OVOL2: variants seen among roughly 807,000 people sequenced by gnomAD.
OVOL2 encodes the protein transcription factor Ovo-like 2.
In OVOL2, 13 loss-of-function variants were observed where a neutral mutation model predicts 18.1. That is an observed-to-expected ratio of 0.72 (90% CI 0.47 to 1.14). OVOL2 has a LOEUF of 1.14. Among genes scored for constraint, OVOL2 ranks in the 50% most tolerant of loss-of-function variants. The probability of loss-of-function intolerance (pLI) is 0.00; values close to 1 mark genes in which losing one functional copy is unlikely to be tolerated. For missense variants in OVOL2, 335 were observed against 383.0 expected, an observed-to-expected ratio of 0.87 and a Z score of 1.05; for synonymous variants, 166 against 162.7, an observed-to-expected ratio of 1.02 and a Z score of -0.16.
At chr20:18,037,821 CT>C (rs1427915522) in intron 3 of OVOL2, among the ~76,000 whole-genome samples, 3 of 152,152 alleles carry the variant, frequency 2.0e-5, no homozygotes, top group Non-Finnish European at 4.4e-5. Context: ...TATTATTGAG[CT>C]TTTATTGGCT....
rs555646427 is a variant in OVOL2, at chr20:18,040,838, T to C, written c.511+696A>G. ...GTGTCTCAGGAGGAACACGATGCTA[T>C]CCAGAGACAGGCTTATGTCCCAAGA... On this transcript the variant is annotated intron_variant, in intron 3 of 3. Coordinates refer to ENST00000278780, the MANE Select transcript of OVOL2 (RefSeq NM_021220.4). 2.6e-5 allele frequency among the ~76,000 whole-genome samples: 4 copies of C among 152,258 alleles called. No individual in the cohort carries two copies. The South Asian group carries it at 8.3e-4, about 32-fold the overall frequency.
At chr20:18,026,030 A>G (rs1375805498) in intron 3 of OVOL2, among the ~76,000 whole-genome samples, 1 of 152,224 alleles carries the variant, frequency 6.6e-6, no homozygotes, top group Non-Finnish European at 1.5e-5. Context: ...GGCAGTTATG[A>G]AAATCATTTC....
Position 18,057,487 on chromosome 20 carries a change from C to T in OVOL2, c.100+48G>A, listed in dbSNP as rs1281981413. 2 of 1,542,090 alleles carry T rather than the reference C, an allele frequency of 1.3e-6. No individual in the cohort carries two copies. The highest frequency in any genetic ancestry group is 1.4e-5 in the African/African-American group (1 of 72,708). On this transcript the variant is annotated intron_variant, in intron 1 of 3. Coordinates refer to ENST00000278780, the MANE Select transcript of OVOL2 (RefSeq NM_021220.4). This position sits in a 1 kb window ranked among gnomAD's most constrained non-coding sequence, Gnocchi z 6.3. ...GCAGAGAAGACCCGCCACCCCTTCC[C>T]CCACCCCGGGAGCCCAGCGCCCAGG...
intron 2 of OVOL2, among the ~76,000 whole-genome samples, chr20:18,047,068 A>G (rs1453263940): frequency 1.3e-5 from 2 of 152,228 alleles, no homozygotes; most frequent in East Asian, 3.8e-4. Context: ...CAGCAGTATA[A>G]GAAGCTAAGA....
At chr20:18,033,420 G>A (rs895396184) in intron 3 of OVOL2, among the ~76,000 whole-genome samples, 1 of 152,182 alleles carries the variant, frequency 6.6e-6, no homozygotes, top group African/African-American at 2.4e-5. Context: ...ACCAGCATGG[G>A]TTTATGACCT....
At position 18,057,646 on chromosome 20, in the gene OVOL2, C is replaced by G; in HGVS notation, c.-12G>C. ...AAGACTTTGGGCATGGTGGGGTCCC[C>G]TCTCCCGACTGCGGCCCCCTCCTCC... On this transcript the variant is annotated 5_prime_UTR_variant, in exon 1 of 4. Transcript: ENST00000278780. The surrounding 1 kb of genome is among the most constrained non-coding windows in gnomAD (Gnocchi z 6.3). The G allele has an allele frequency of 6.4e-7, 1 of 1,561,046 alleles. No individual in the cohort carries two copies. The highest frequency in any genetic ancestry group is 8.7e-7 in the Non-Finnish European group (1 of 1,152,728).
intron 3 of OVOL2, among the ~76,000 whole-genome samples, chr20:18,026,603 G>C (rs972033478): frequency 6.6e-6 from 1 of 152,068 alleles, no homozygotes; most frequent in Non-Finnish European, 1.5e-5. Context: ...GAATGGTCTC[G>C]ATCTCCTGAC....
intron 3 of OVOL2, among the ~76,000 whole-genome samples, chr20:18,025,627 G>A (rs2036506913): frequency 6.6e-6 from 1 of 152,184 alleles, no homozygotes; most frequent in South Asian, 2.1e-4. Flanking sequence ...TCCAGTACAA[G>A]TAGTTTATTT....
chr20:18,040,547 T>C (rs1486610915), intron 3 of OVOL2, among the ~76,000 whole-genome samples: 1 of 152,166 alleles, frequency 6.6e-6, no homozygotes, highest in Non-Finnish European at 1.5e-5. Flanking sequence ...AGAATTCTCC[T>C]GGAGGGATCA....
At chr20:18,046,629 G>A (rs558788250) in intron 2 of OVOL2, among the ~76,000 whole-genome samples, 1 of 152,096 alleles carries the variant, frequency 6.6e-6, no homozygotes, top group African/African-American at 2.4e-5. Flanking sequence ...CTCTCCAGAC[G>A]CCAGACCTGC....
chr20:18,038,913 AC>A (rs1020103277), intron 3 of OVOL2, among the ~76,000 whole-genome samples: 4 of 150,662 alleles, frequency 2.7e-5, no homozygotes, highest in African/African-American at 9.8e-5. Flanking sequence ...CTCTTATAAG[AC>A]CCCCTACTGC....
intron 3 of OVOL2, among the ~76,000 whole-genome samples, chr20:18,039,604 T>A (rs2036650102): frequency 1.6e-5 from 1 of 61,292 alleles, no homozygotes; most frequent in Admixed American, 1.7e-4. Flanking sequence ...CAAGACGCTG[T>A]CTCAAAAAAA....
At chr20:18,058,626 A>T (rs2036852587), upstream of OVOL2, among the ~76,000 whole-genome samples, 1 of 151,154 alleles carries the variant, frequency 6.6e-6, no homozygotes, top group Admixed American at 6.6e-5. Context: ...GCTTCAAAAC[A>T]AGCCCCCAAT....
At chr20:18,028,907 A>T (rs542500377) in intron 3 of OVOL2, among the ~76,000 whole-genome samples, 7 of 151,908 alleles carry the variant, frequency 4.6e-5, no homozygotes, top group East Asian at 3.8e-4. Flanking sequence ...GCAGTAAATT[A>T]AAAAAAATAA....
chr20:18,031,085 A>C (rs917773508), intron 3 of OVOL2, among the ~76,000 whole-genome samples: 9 of 152,204 alleles, frequency 5.9e-5, no homozygotes, highest in Admixed American at 2.0e-4. Flanking sequence ...CTGTGTCTAA[A>C]GCAGGACATG....
chr20:18,025,058 G>A lies in OVOL2; in HGVS notation c.512-106C>T, dbSNP rs2036500151. ...ATGCCATGACCAAGGATTCATGGCA[G>A]CATGAGGACAATGGTTACAGCAGGA... On this transcript the variant is annotated intron_variant, in intron 3 of 3. Transcript: ENST00000278780. The A allele has an allele frequency of 3.0e-6, 4 of 1,314,566 alleles. No individual in the cohort carries two copies. The African/African-American group carries it at 4.4e-5, about 15-fold the overall frequency. 81.4% of individuals were successfully genotyped at this position (1,314,566 alleles called of 1,614,324 possible).
Position 18,056,788 on chromosome 20 carries a change from C to A in OVOL2, c.190G>T (p.Glu64Ter). 1 of 1,501,884 alleles carries A rather than the reference C, an allele frequency of 6.7e-7. No individual in the cohort carries two copies. The highest frequency in any genetic ancestry group is 2.8e-5 in the East Asian group (1 of 35,798). 93.0% of individuals were successfully genotyped at this position (1,501,884 alleles called of 1,614,324 possible). A position where few individuals can be genotyped will look rare whatever the true frequency, so the allele number is the denominator to read the frequency against. ...SSGSGSSSAG[E>*]PGGAESSSSP... is the part of the protein sequence containing the mutation. ...GAGCTGCTCTCTGCTCCTCCAGGCTCCCCCGCGCTGCTGCTGCCGCTGCCG... is the reference window on the plus strand; with the variant it reads ...GAGCTGCTCTCTGCTCCTCCAGGCTACCCCGCGCTGCTGCTGCCGCTGCCG... Residue 64 changes from glutamate to a stop codon, truncating the protein, a stop_gained, in exon 2 of 4, where the codon GAG (glutamate) becomes TAG (stop). Coordinates refer to ENST00000278780, the MANE Select transcript of OVOL2 (RefSeq NM_021220.4). LOFTEE classifies it high-confidence loss of function. This position sits in a 1 kb window ranked among gnomAD's most constrained non-coding sequence, Gnocchi z 4.2.
chr20:18,057,735 A>G lies in OVOL2; in HGVS notation c.-101T>C. The G allele has an allele frequency of 6.9e-7, 1 of 1,447,600 alleles. No individual in the cohort carries two copies. Among genetic ancestry groups the G allele is most frequent in the South Asian group, 1.4e-5 (1 of 69,618 alleles). 89.7% of individuals were successfully genotyped at this position (1,447,600 alleles called of 1,614,324 possible). ...CCCCGGCTCCCGGCGGCCAGAGCCC[A>G]CCTTCCCGCCTCGCCTGCCCTCTTC... is the stretch of plus-strand genomic sequence containing the variant. On this transcript the variant is annotated 5_prime_UTR_variant, in exon 1 of 4. Transcript: ENST00000278780. The surrounding 1 kb of genome is among the most constrained non-coding windows in gnomAD (Gnocchi z 6.3).
In OVOL2 at chr20:18,056,580, A is replaced by T; in HGVS notation, c.321+77T>A. ...GCCGGGTTGCGCAGGCGGGCGCGGC[A>T]GGGAGGGGCGCCGGCCTCGGGAGCC... On this transcript the variant is annotated intron_variant, in intron 2 of 3. Transcript: ENST00000278780. This position sits in a 1 kb window ranked among gnomAD's most constrained non-coding sequence, Gnocchi z 4.2. The T allele has an allele frequency of 7.8e-7, 1 of 1,275,612 alleles. No homozygotes were observed. 79.0% of individuals were successfully genotyped at this position (1,275,612 alleles called of 1,614,324 possible).
Sources: gnomAD v4.1 joint callset for allele counts (sites outside exome capture counted in the v4.1 genomes callset) on GRCh38, gnomAD v4.1.1 for gene constraint, Gnocchi (gnomAD v3.1) non-coding constraint, MANE v1.5 for transcripts, NCBI Gene and HGNC (gene_info 2026-07-23, HGNC 2026-07-21) for gene names.